The following CCNB3 variants were observed in gnomAD, a reference collection of about 807,000 sequenced individuals.
CCNB3 encodes G2/mitotic-specific cyclin-B3.
Under a neutral mutation model 68.0 loss-of-function variants are expected in CCNB3, and 12 were observed. The ratio of observed to expected loss-of-function variants is 0.18; its 90% CI spans 0.11 to 0.29. The LOEUF is 0.29. CCNB3 is among the 10% of genes least tolerant of loss of function. The pLI is 1.00. For missense variants in CCNB3, 904 were observed against 993.1 expected, an observed-to-expected ratio of 0.91 and a Z score of 1.21; for synonymous variants, 354 against 388.9, an observed-to-expected ratio of 0.91 and a Z score of 1.06.
At position 50,282,357 on chromosome X, in the gene CCNB3, C is replaced by A. The variant is rs1052590756; in HGVS notation, c.-112-2185C>A. Among the ~76,000 whole-genome samples the A allele has an allele frequency of 6.9e-4, 77 of 111,418 alleles. 1 individual carries two copies. Among genetic ancestry groups the A allele is most frequent in the African/African-American group, 2.3e-3 (71 of 30,715 alleles). On this transcript the variant is annotated intron_variant, in intron 1 of 12. Transcript: ENST00000376042. Reference sequence around the variant, plus strand: ...GCTGTGTTCTCTCCCCAGAGCCTTGCTGTCTGTAACCTGCCTTTATATAAA... The same window carrying A: ...GCTGTGTTCTCTCCCCAGAGCCTTGATGTCTGTAACCTGCCTTTATATAAA...
rs1457988643 is a variant in CCNB3, at chrX:50,309,638, T to A, written c.1469T>A (p.Ile490Asn). 26 of 1,211,469 alleles carry A rather than the reference T, an allele frequency of 2.1e-5. No individual in the cohort carries two copies. Among genetic ancestry groups the A allele is most frequent in the Non-Finnish European group, 2.6e-5 (23 of 895,424 alleles). Residue 490 changes from isoleucine (I) to asparagine (N), a missense_variant, in exon 6 of 13, where the codon ATT (isoleucine) becomes AAT (asparagine). By Grantham distance (149) the Ile-to-Asn change is moderately radical. This residue lies in a region of CCNB3 where 619 missense variants were observed against 609.8 expected (regional missense o/e 1.02). Coordinates refer to ENST00000376042, the MANE Select transcript of CCNB3 (RefSeq NM_033031.3). Reference sequence around the variant, plus strand: ...GCACCCCCCACCAAGAAGCCTTTAATTTTAAAGAGGAAGCATGCCACTCAG... The same window carrying A: ...GCACCCCCCACCAAGAAGCCTTTAAATTTAAAGAGGAAGCATGCCACTCAG... ...EEAPPTKKPL[I>N]LKRKHATQGT...
At chrX:50,281,112 T>G (rs1936128750) in intron 1 of CCNB3, among the ~76,000 whole-genome samples, 1 of 110,967 alleles carries the variant, frequency 9.0e-6, no homozygotes, top group African/African-American at 3.3e-5. Flanking sequence ...CAGCCCAGCC[T>G]GGTCCAACCA....
At chrX:50,217,078 G>A (rs931763852) in intron 1 of CCNB3, among the ~76,000 whole-genome samples, 5 of 110,522 alleles carry the variant, frequency 4.5e-5, no homozygotes, top group Admixed American at 9.7e-5. Context: ...AGGATCAGAA[G>A]GAAAGTCTGT....
chrX:50,279,873 A>ATT (rs1936077035), intron 1 of CCNB3, among the ~76,000 whole-genome samples: 3 of 87,595 alleles, frequency 3.4e-5, no homozygotes, highest in Non-Finnish European at 6.3e-5. Flanking sequence ...TATATATAAA[A>ATT]TATATATAGT....
chrX:50,324,843 C>A (rs1557217098), intron 8 of CCNB3, among the ~76,000 whole-genome samples: 1 of 111,531 alleles, frequency 9.0e-6, no homozygotes, highest in East Asian at 2.8e-4. Flanking sequence ...TCTGCAGTTG[C>A]AATTTTTATT....
intron 1 of CCNB3, among the ~76,000 whole-genome samples, chrX:50,215,664 G>A (rs1204756012): frequency 2.7e-5 from 3 of 110,550 alleles, no homozygotes; most frequent in African/African-American, 9.9e-5. Flanking sequence ...TCTTTGCTTC[G>A]TGTATTTTGC....
chrX:50,205,583 G>A (rs782263394), intron 1 of CCNB3, among the ~76,000 whole-genome samples: 1 of 112,109 alleles, frequency 8.9e-6, no homozygotes, highest in African/African-American at 3.2e-5. Context: ...TGAACTGGGA[G>A]GCAAAGGTTG....
intron 5 of CCNB3, among the ~76,000 whole-genome samples, chrX:50,303,113 T>C (rs920762759): frequency 2.7e-5 from 3 of 110,712 alleles, no homozygotes; most frequent in South Asian, 4.0e-4. Context: ...TAAAATGGTA[T>C]AGCCACTGTG....
At chrX:50,346,974 T>C (rs1923436252) in intron 10 of CCNB3, among the ~76,000 whole-genome samples, 167 bp downstream of exon 10, 1 of 111,119 alleles carries the variant, frequency 9.0e-6, no homozygotes, top group African/African-American at 3.3e-5. Context: ...CTTTATGAAA[T>C]AGTGGGAGGT....
intron 7 of CCNB3, among the ~76,000 whole-genome samples, chrX:50,312,935 T>A (rs1205097518): frequency 9.0e-6 from 1 of 110,975 alleles, no homozygotes; most frequent in East Asian, 2.8e-4. Context: ...AAAGTCTGAT[T>A]GCCTTGAAGA....
At chrX:50,291,408 A>T (rs1440748136) in intron 4 of CCNB3, among the ~76,000 whole-genome samples, 1 of 111,365 alleles carries the variant, frequency 9.0e-6, no homozygotes, top group African/African-American at 3.3e-5. Flanking sequence ...ACTACAGGTG[A>T]TTGCCACCAT....
In CCNB3 at chrX:50,308,515, G is replaced by A; in HGVS notation, c.346G>A (p.Glu116Lys). 8.4e-7 allele frequency: 1 copy of A among 1,190,149 alleles called. No individual in the cohort carries two copies. The highest frequency in any genetic ancestry group is 1.1e-6 in the Non-Finnish European group (1 of 880,578). Reference sequence around the variant, plus strand: ...TTGTTTCCTTCACAGGCATAAGCTGGAAGTCACACCAGTAGTAGCCTCTAC... The same window carrying A: ...TTGTTTCCTTCACAGGCATAAGCTGAAAGTCACACCAGTAGTAGCCTCTAC... ...NKRNLKWHKL[E>K]VTPVVASTTV... Residue 116 changes from glutamate to lysine, a missense_variant, in exon 6 of 13, where the codon GAA (glutamate) becomes AAA (lysine). This residue lies in a region of CCNB3 where 619 missense variants were observed against 609.8 expected (regional missense o/e 1.02). Coordinates refer to ENST00000376042, the MANE Select transcript of CCNB3 (RefSeq NM_033031.3).
chrX:50,221,201 T>A (rs1320134227), intron 1 of CCNB3, among the ~76,000 whole-genome samples: 3 of 111,496 alleles, frequency 2.7e-5, no homozygotes, highest in African/African-American at 9.8e-5. Context: ...TTTATCTATT[T>A]TGTTAATCTT....
intron 8 of CCNB3, among the ~76,000 whole-genome samples, chrX:50,317,567 G>GTATGTATGTATGTATGTATGTATGTATT (rs1409621892): frequency 6.8e-4 from 74 of 108,372 alleles, no homozygotes; most frequent in African/African-American, 2.4e-3. Flanking sequence ...ATGTATGTAT[G>GTATGTATGTATGTATGTATGTATGTATT]TATTTATTTA....
intron 1 of CCNB3, among the ~76,000 whole-genome samples, chrX:50,279,609 C>G (rs1046579427): frequency 1.2e-5 from 1 of 85,128 alleles, no homozygotes; most frequent in Non-Finnish European, 2.2e-5. Context: ...AATGTATATG[C>G]ATATGTACAT....
In CCNB3 at chrX:50,280,221, A is replaced by C. The variant is rs1271187069; in HGVS notation, c.-112-4321A>C. Among the ~76,000 whole-genome samples, 3 of 82,334 alleles carry C rather than the reference A, an allele frequency of 3.6e-5. 1 individual carries two copies. The highest frequency in any genetic ancestry group is 1.4e-4 in the African/African-American group (3 of 21,752). 71.5% of individuals were successfully genotyped at this position (82,334 alleles called of 115,157 possible). A position where few individuals can be genotyped will look rare whatever the true frequency, so the allele number is the denominator to read the frequency against. On this transcript the variant is annotated intron_variant, in intron 1 of 12. Coordinates refer to ENST00000376042, the MANE Select transcript of CCNB3 (RefSeq NM_033031.3). ...ACATATAAATATATTTTTAGAATAT[A>C]TATAAATATATGTATAGAATATAGA...
chrX:50,205,097 T>C (rs1935332372), intron 1 of CCNB3, 147 bp downstream of exon 1: 1 of 112,018 alleles, frequency 8.9e-6, no homozygotes, highest in African/African-American at 3.2e-5. Context: ...GTTTATTTCC[T>C]CCCTGTCAAA....
chrX:50,317,567 G>T (rs182317617), intron 8 of CCNB3, among the ~76,000 whole-genome samples: 1 of 108,338 alleles, frequency 9.2e-6, no homozygotes, highest in African/African-American at 3.5e-5. Flanking sequence ...ATGTATGTAT[G>T]TATTTATTTA....
At chrX:50,337,787 A>G (rs782282540) in intron 8 of CCNB3, among the ~76,000 whole-genome samples, 6 of 111,844 alleles carry the variant, frequency 5.4e-5, no homozygotes, top group Admixed American at 1.9e-4. Context: ...GGGCACACAC[A>G]CACTTTTACA....
Sources: allele counts gnomAD v4.1 joint callset (sites outside exome capture counted in the v4.1 genomes callset), GRCh38; gene constraint gnomAD v4.1.1; regional missense constraint gnomAD v4.1.1; transcripts MANE v1.5; gene names NCBI Gene and HGNC (gene_info 2026-07-23, HGNC 2026-07-21).